The following PC variants were observed in gnomAD, a reference collection of about 807,000 sequenced individuals.
PC encodes pyruvate carboxylase.
PC carries 46 observed loss-of-function variants against 107.8 expected under a neutral mutation model. The ratio of observed to expected loss-of-function variants is 0.43; its 90% CI spans 0.34 to 0.55. The LOEUF (loss-of-function observed/expected upper bound fraction) is 0.55. PC is among the 20% of genes least tolerant of loss of function. The pLI, the probability that PC is intolerant of heterozygous loss-of-function variation, is 0.04. For missense variants in PC, 1,241 were observed against 1,643.1 expected, an observed-to-expected ratio of 0.76 and a Z score of 4.23; for synonymous variants, 662 against 684.7, an observed-to-expected ratio of 0.97 and a Z score of 0.52.
intron 3 of PC, among the ~76,000 whole-genome samples, chr11:66,879,666 C>T (rs1430829413): frequency 6.6e-6 from 1 of 152,206 alleles, no homozygotes; most frequent in African/African-American, 2.4e-5. Context: ...CTGGCATGGG[C>T]CGCTGGCTGC....
In PC at chr11:66,849,873, C is replaced by T; in HGVS notation, c.2899-14G>A. 1 of 1,613,682 alleles carries T rather than the reference C, an allele frequency of 6.2e-7. No homozygotes were observed. The highest frequency in any genetic ancestry group is 8.5e-7 in the Non-Finnish European group (1 of 1,180,014). On this transcript the variant is annotated splice_polypyrimidine_tract_variant and intron_variant, in intron 20 of 22. Coordinates refer to ENST00000393960, the MANE Select transcript of PC (RefSeq NM_001040716.2). ...GTCCTTCAGTACCTGGGGAGCAAAG[C>T]AGAGGATCAGTCCCAAGTCCTGCAT... is the stretch of plus-strand genomic sequence containing the variant.
rs547420209 is a variant in PC at position 66,916,876 on chromosome 11, C to T, written c.-1+35554G>A. On this transcript the variant is annotated intron_variant, in intron 3 of 22. Coordinates refer to ENST00000393960, the MANE Select transcript of PC (RefSeq NM_001040716.2). Reference sequence around the variant, plus strand: ...GGCTAAGGCAGGAGAATGGCGTGAACCCGGGAGGCAGAGTTTGTAGTGAGC... The same window carrying T: ...GGCTAAGGCAGGAGAATGGCGTGAATCCGGGAGGCAGAGTTTGTAGTGAGC... 7.4e-4 allele frequency among the ~76,000 whole-genome samples: 112 copies of T among 152,082 alleles called. 1 individual carries two copies. Among genetic ancestry groups the T allele is most frequent in the Admixed American group, 2.7e-3 (42 of 15,290 alleles).
rs760557471 is a variant in PC, at chr11:66,859,832, C to T, written c.1368+3942G>A. On this transcript the variant is annotated intron_variant, in intron 12 of 22. Transcript: ENST00000393960. ...ACGCCCTGCAGGCCCACGTGCTGGG[C>T]GGGACCCTGACCGTGGCCGTGGGGG... is the stretch of plus-strand genomic sequence containing the variant. 25 of 1,573,978 alleles carry T rather than the reference C, an allele frequency of 1.6e-5. No homozygotes were observed. The East Asian group carries it at 2.2e-4, about 14-fold the overall frequency.
rs772463388 is a variant in PC, at chr11:66,863,825, G to A, written c.1317C>T (p.Ala439=). ...CAAGGGCCCTGCTCATCTTGGTGGC[G>A]GCCGTGGGGTGGTCTTTGCCGTGGG... ...VIAHGKDHPT[A]ATKMSRALAE... Residue 439 remains alanine, a synonymous_variant, in exon 12 of 23, where the codon GCC becomes GCT. Transcript: ENST00000393960. 68 of 1,613,522 alleles carry A rather than the reference G, an allele frequency of 4.2e-5. No homozygotes were observed. The highest frequency in any genetic ancestry group is 3.3e-4 in the Middle Eastern group (2 of 6,084).
chr11:66,943,754 T>A, intron 3 of PC, among the ~76,000 whole-genome samples: 1 of 17,730 alleles, frequency 5.6e-5, no homozygotes, highest in African/African-American at 2.5e-4. Context: ...AGACTCCGGC[T>A]CAAAAAAAAA....
chr11:66,926,761 C>T (rs931240675), intron 3 of PC, among the ~76,000 whole-genome samples: 2 of 119,102 alleles, frequency 1.7e-5, no homozygotes, highest in Non-Finnish European at 3.2e-5. Context: ...AATCTGCTTT[C>T]CATCTCTATG....
At chr11:66,860,285 G>T (rs1351592883) in intron 12 of PC, 1 of 1,508,978 alleles carries the variant, frequency 6.6e-7, no homozygotes, top group Non-Finnish European at 8.9e-7. Context: ...TCCCTCCCTG[G>T]TTTTTATTCT....
intron 3 of PC, among the ~76,000 whole-genome samples, chr11:66,874,314 CT>C (rs1012722128): frequency 2.6e-5 from 4 of 152,216 alleles, no homozygotes; most frequent in African/African-American, 4.8e-5. Context: ...TCTTGAACTC[CT>C]GACCTCAAGT....
intron 3 of PC, among the ~76,000 whole-genome samples, chr11:66,937,819 T>G (rs1438215178): frequency 6.6e-6 from 1 of 150,794 alleles, no homozygotes; most frequent in South Asian, 2.1e-4. Context: ...CTCTGTTGCC[T>G]AGGCTGGAGT....
intron 12 of PC, chr11:66,860,348 G>T: frequency 1.7e-6 from 2 of 1,178,096 alleles, no homozygotes; most frequent in Non-Finnish European, 2.4e-6. Context: ...CCTTTCCTCG[G>T]TTCTGGCCTC....
chr11:66,892,955 A>G (rs1400610498), intron 3 of PC, among the ~76,000 whole-genome samples: 1 of 152,070 alleles, frequency 6.6e-6, no homozygotes, highest in Non-Finnish European at 1.5e-5. Context: ...GGGGAGGCAG[A>G]GAAGGAAGAA....
chr11:66,941,078 T>TA (rs56790474), intron 3 of PC, among the ~76,000 whole-genome samples: 34,913 of 83,310 alleles, frequency 0.42, 7,200 homozygotes, highest in Non-Finnish European at 0.47. Context: ...AGACTCCATC[T>TA]AAAAAAAAAA....
At chr11:66,941,976 C>T (rs531535556) in intron 3 of PC, among the ~76,000 whole-genome samples, 6 of 151,986 alleles carry the variant, frequency 3.9e-5, no homozygotes. Context: ...GTGGCACATG[C>T]CTGTAATCCC....
intron 3 of PC, among the ~76,000 whole-genome samples, chr11:66,918,727 T>C (rs1260227651): frequency 6.6e-6 from 1 of 151,910 alleles, no homozygotes; most frequent in Non-Finnish European, 1.5e-5. Flanking sequence ...TAGAGATAAG[T>C]AGGGAGATAA....
chr11:66,941,849 T>A (rs1016650194), intron 3 of PC, among the ~76,000 whole-genome samples: 2 of 151,892 alleles, frequency 1.3e-5, no homozygotes, highest in Admixed American at 6.6e-5. Context: ...ACGCCTGTAA[T>A]CACAACACTT....
chr11:66,926,532 G>A (rs917309115), intron 3 of PC, among the ~76,000 whole-genome samples: 4 of 152,162 alleles, frequency 2.6e-5, no homozygotes, highest in Admixed American at 2.6e-4. Context: ...AACACAACCG[G>A]GGTCTAGGGA....
intron 3 of PC, among the ~76,000 whole-genome samples, chr11:66,939,331 A>G (rs1949068580): frequency 6.6e-6 from 1 of 152,234 alleles, no homozygotes; most frequent in Admixed American, 6.5e-5. Flanking sequence ...TGCAAATACT[A>G]TGCCATTTTC....
chr11:66,869,651 G>A (rs1284335354), intron 9 of PC, among the ~76,000 whole-genome samples: 3 of 152,154 alleles, frequency 2.0e-5, no homozygotes, highest in Non-Finnish European at 4.4e-5. Context: ...TGCACACCCC[G>A]GCCTTCGGCA....
intron 3 of PC, among the ~76,000 whole-genome samples, chr11:66,894,833 C>T (rs1179797938): frequency 2.6e-5 from 4 of 152,132 alleles, no homozygotes; most frequent in African/African-American, 9.7e-5. Context: ...ACCAGCCTGG[C>T]CAACATGGTG....
Sources: gnomAD v4.1 joint callset for allele counts (sites outside exome capture counted in the v4.1 genomes callset) on GRCh38, gnomAD v4.1.1 for gene constraint, MANE v1.5 for transcripts, NCBI Gene and HGNC (gene_info 2026-07-23, HGNC 2026-07-21) for gene names.